Variants in UTRN observed in about 807,000 individuals in gnomAD.
UTRN encodes dystrophin-related protein 1.
A neutral mutation model predicts 463.9 loss-of-function variants in UTRN; 283 were observed. The ratio of observed to expected loss-of-function variants is 0.61; its 90% CI spans 0.55 to 0.67. The LOEUF (loss-of-function observed/expected upper bound fraction) is 0.67. Ranked by LOEUF, UTRN falls within the 30% of genes least tolerant of loss-of-function variation. UTRN has a pLI of 0.00. For synonymous variants in UTRN, 1,442 were observed against 1,431.5 expected, an observed-to-expected ratio of 1.01 and a Z score of -0.17; for missense variants, 3,922 against 4,084.3, an observed-to-expected ratio of 0.96 and a Z score of 1.08.
chr6:144,728,619 T>G (rs1788177309), intron 53 of UTRN, among the ~76,000 whole-genome samples: 1 of 150,422 alleles, frequency 6.6e-6, no homozygotes, highest in East Asian at 2.0e-4. Context: ...TGATAATTGC[T>G]GTGTGAATTT....
chr6:144,545,167 A>T (rs553795791), intron 46 of UTRN, among the ~76,000 whole-genome samples: 45 of 152,102 alleles, frequency 3.0e-4, no homozygotes, highest in African/African-American at 1.1e-3. Flanking sequence ...CATTCCACCT[A>T]CTTCCGTGGT....
chr6:144,616,753 C>G (rs1348015060), intron 51 of UTRN, among the ~76,000 whole-genome samples: 1 of 152,060 alleles, frequency 6.6e-6, no homozygotes, highest in Non-Finnish European at 1.5e-5. Flanking sequence ...AAATCTTATG[C>G]CCACTGGCTC....
At chr6:144,366,731 A>G (rs1779541662) in intron 2 of UTRN, among the ~76,000 whole-genome samples, 1 of 152,128 alleles carries the variant, frequency 6.6e-6, no homozygotes. Flanking sequence ...TGTCATCATG[A>G]TGGAATGATT....
At chr6:144,403,320 G>T (rs374157349) in intron 3 of UTRN, 136 bp downstream of exon 3, 18 of 736,444 alleles carry the variant, frequency 2.4e-5, no homozygotes, top group Non-Finnish European at 4.0e-5. Context: ...TACATTTGTT[G>T]TTCCTTTATT....
chr6:144,540,310 G>A (rs1465260798), intron 45 of UTRN, among the ~76,000 whole-genome samples: 1 of 151,942 alleles, frequency 6.6e-6, no homozygotes, highest in Non-Finnish European at 1.5e-5. Flanking sequence ...AGAGTATGAC[G>A]TCTGTATAGG....
intron 60 of UTRN, among the ~76,000 whole-genome samples, chr6:144,780,940 G>T (rs17194806): frequency 0.16 from 23,949 of 152,124 alleles, 2,202 homozygotes; most frequent in South Asian, 0.26. Flanking sequence ...ATTTCAAATC[G>T]CACCTCTCCA....
intron 65 of UTRN, among the ~76,000 whole-genome samples, chr6:144,805,563 T>G (rs926799982): frequency 2.0e-5 from 3 of 152,208 alleles, no homozygotes; most frequent in Non-Finnish European, 2.9e-5. Flanking sequence ...AAGTGAAGCC[T>G]GTTCCCCAAG....
chr6:144,432,267 T>C (rs931874496), intron 9 of UTRN, among the ~76,000 whole-genome samples: 1 of 152,212 alleles, frequency 6.6e-6, no homozygotes, highest in African/African-American at 2.4e-5. Context: ...CCCACCATTA[T>C]ATGGCAGCCT....
At chr6:144,384,051 A>C (rs1781179859) in intron 2 of UTRN, among the ~76,000 whole-genome samples, 1 of 152,210 alleles carries the variant, frequency 6.6e-6, no homozygotes. Context: ...TTTTTCCTCT[A>C]TGTTTTATTT....
intron 2 of UTRN, among the ~76,000 whole-genome samples, chr6:144,372,670 A>G (rs190734922): frequency 3.7e-4 from 56 of 151,932 alleles, no homozygotes; most frequent in Admixed American, 2.1e-3. Flanking sequence ...AATTTTGGCT[A>G]ATTTTTCTAT....
intron 26 of UTRN, among the ~76,000 whole-genome samples, chr6:144,481,338 A>AT (rs1229417049): frequency 6.6e-6 from 1 of 152,170 alleles, no homozygotes; most frequent in Non-Finnish European, 1.5e-5. Context: ...TGATAGGTTG[A>AT]TTTTCCTGAA....
chr6:144,635,607 T>C (rs1777094312), intron 51 of UTRN, among the ~76,000 whole-genome samples: 1 of 140,016 alleles, frequency 7.1e-6, no homozygotes, highest in Admixed American at 7.4e-5. Context: ...TGACACGATA[T>C]CAGCTCACTG....
At chr6:144,383,224 G>A (rs1013046310) in intron 2 of UTRN, among the ~76,000 whole-genome samples, 3 of 152,074 alleles carry the variant, frequency 2.0e-5, no homozygotes, top group Admixed American at 6.6e-5. Flanking sequence ...GAGTCATTGC[G>A]CCCAGGCCAT....
intron 2 of UTRN, among the ~76,000 whole-genome samples, chr6:144,380,244 A>G (rs896695395): frequency 6.6e-6 from 1 of 152,208 alleles, no homozygotes; most frequent in African/African-American, 2.4e-5. Flanking sequence ...ACATTATTAA[A>G]GAATGTGCAC....
chr6:144,700,381 C>A (rs575367919), intron 53 of UTRN, 138 bp downstream of exon 53: 7 of 990,164 alleles, frequency 7.1e-6, no homozygotes, highest in Admixed American at 3.1e-5. Context: ...CTTTTAGTTG[C>A]CAGTAGACAT....
intron 51 of UTRN, among the ~76,000 whole-genome samples, chr6:144,601,346 A>G (rs1210986127): frequency 6.6e-6 from 1 of 152,204 alleles, no homozygotes; most frequent in Admixed American, 6.5e-5. Context: ...TGCTATTAAG[A>G]GCATTCTTGA....
rs748302939 is a variant in UTRN at position 144,403,209 on chromosome 6, G to A, written c.141+25G>A. ...GGTAACTGAGACTTTCAAAAACTTC[G>A]ATGGTTCAGATGCCGCATTCTGATT... On this transcript the variant is annotated intron_variant, in intron 3 of 74. Transcript: ENST00000367545. The A allele has an allele frequency of 2.3e-5, 37 of 1,600,138 alleles. No homozygotes were observed. In the East Asian group the frequency reaches 6.3e-4, roughly 27 times the overall value.
intron 51 of UTRN, among the ~76,000 whole-genome samples, chr6:144,631,003 T>A (rs776386191): frequency 1.3e-5 from 2 of 152,172 alleles, no homozygotes; most frequent in Non-Finnish European, 2.9e-5. Flanking sequence ...CCTTCATACA[T>A]GCAGTGGTAT....
At position 144,712,702 on chromosome 6, in the gene UTRN, A is replaced by G. The variant is rs1320215109; in HGVS notation, c.7809+12459A>G. ...TGATGCAGGCTTGAAAACAAGTACTACAGTAGATATTAAAAGTGCTGTAAT... is the reference window on the plus strand; with the variant it reads ...TGATGCAGGCTTGAAAACAAGTACTGCAGTAGATATTAAAAGTGCTGTAAT... On this transcript the variant is annotated intron_variant, in intron 53 of 74. Transcript: ENST00000367545. Among the ~76,000 whole-genome samples the G allele has an allele frequency of 2.0e-5, 3 of 152,190 alleles. No individual in the cohort carries two copies. The East Asian group carries it at 5.8e-4, about 29-fold the overall frequency.
Sources: allele counts gnomAD v4.1 joint callset (sites outside exome capture counted in the v4.1 genomes callset), GRCh38; gene constraint gnomAD v4.1.1; transcripts MANE v1.5; gene names NCBI Gene and HGNC (gene_info 2026-07-23, HGNC 2026-07-21).